The following STAU2 variants were observed in gnomAD, a reference collection of about 807,000 sequenced individuals.
STAU2 encodes staufen double-stranded RNA binding protein 2, also known as double-stranded RNA-binding protein Staufen homolog 2.
STAU2 carries 20 observed loss-of-function variants against 65.9 expected under a neutral mutation model. That is an observed-to-expected ratio of 0.30 (90% CI 0.21 to 0.44). The LOEUF (loss-of-function observed/expected upper bound fraction) is 0.44, where lower values mean the gene tolerates loss of function less well. Ranked by LOEUF, STAU2 falls within the 20% of genes least tolerant of loss-of-function variation. The pLI is 1.00. For synonymous variants in STAU2, 232 were observed against 233.9 expected (o/e 0.99, Z 0.07); for missense variants, 558 against 683.9 (o/e 0.82, Z 2.05).
chr8:73,532,175 TA>T (rs1287947585), intron 13 of STAU2, among the ~76,000 whole-genome samples: 2 of 152,180 alleles, frequency 1.3e-5, no homozygotes, highest in African/African-American at 4.8e-5. Context: ...TTTGTGGCAA[TA>T]AGATTCTAAG....
chr8:73,661,478 A>G (rs1816829557), intron 6 of STAU2, among the ~76,000 whole-genome samples: 1 of 152,228 alleles, frequency 6.6e-6, no homozygotes, highest in Non-Finnish European at 1.5e-5. Context: ...ACATTTAATG[A>G]AATGTGCCTA....
At chr8:73,596,694 T>A (rs971688589) in intron 10 of STAU2, among the ~76,000 whole-genome samples, 19 of 151,458 alleles carry the variant, frequency 1.3e-4, no homozygotes, top group African/African-American at 4.2e-4. Context: ...ACAAAAAAAA[T>A]TTTAATTAGC....
At chr8:73,708,882 A>T in intron 4 of STAU2, 150 bp downstream of exon 4, 1 of 621,222 alleles carries the variant, frequency 1.6e-6, no homozygotes, top group Non-Finnish European at 2.4e-6. Context: ...TAGTTTAGTT[A>T]CATACTTTGA....
chr8:73,518,490 T>C (rs1326540424), intron 13 of STAU2, among the ~76,000 whole-genome samples: 1 of 152,218 alleles, frequency 6.6e-6, no homozygotes, highest in Non-Finnish European at 1.5e-5. Flanking sequence ...AAAGTGGCCA[T>C]AGGCAATACC....
intron 5 of STAU2, among the ~76,000 whole-genome samples, chr8:73,681,549 A>G (rs921128313): frequency 6.6e-6 from 1 of 152,202 alleles, no homozygotes; most frequent in African/African-American, 2.4e-5. Context: ...CTATAAAACA[A>G]TAACACAATG....
chr8:73,664,709 G>T (rs143355160), intron 6 of STAU2, among the ~76,000 whole-genome samples: 1 of 152,094 alleles, frequency 6.6e-6, no homozygotes, highest in Admixed American at 6.6e-5. Flanking sequence ...ATTTTTATCT[G>T]GCTGGGCATG....
chr8:73,735,633 C>T (rs750158185), intron 3 of STAU2, among the ~76,000 whole-genome samples: 1 of 152,178 alleles, frequency 6.6e-6, no homozygotes, highest in South Asian at 2.1e-4. Flanking sequence ...CAAAACACTT[C>T]CAGTGCCAAG....
At chr8:73,476,101 T>C (rs1001260315) in intron 13 of STAU2, among the ~76,000 whole-genome samples, 5 of 152,196 alleles carry the variant, frequency 3.3e-5, no homozygotes, top group Admixed American at 6.5e-5. Context: ...TACTCTTATA[T>C]TGGAAATGAT....
At chr8:73,598,226 CTTTTT>C (rs138249622) in intron 10 of STAU2, among the ~76,000 whole-genome samples, 1 of 129,330 alleles carries the variant, frequency 7.7e-6, no homozygotes. Context: ...AAGAAGAAAA[CTTTTT>C]TTTTTTTTTT....
chr8:73,710,227 A>G (rs1563521986), intron 3 of STAU2, among the ~76,000 whole-genome samples: 2 of 151,900 alleles, frequency 1.3e-5, no homozygotes, highest in African/African-American at 2.4e-5. Flanking sequence ...TGTTCTTTGC[A>G]TATTTTTCTC....
At chr8:73,588,246 A>T (rs1016128878) in intron 11 of STAU2, among the ~76,000 whole-genome samples, 5 of 152,380 alleles carry the variant, frequency 3.3e-5, no homozygotes, top group African/African-American at 1.2e-4. Context: ...TGGGAGAGAT[A>T]GGACTCACAA....
At chr8:73,494,462 C>G (rs951092898) in intron 13 of STAU2, among the ~76,000 whole-genome samples, 2 of 151,704 alleles carry the variant, frequency 1.3e-5, no homozygotes, top group Admixed American at 1.3e-4. Flanking sequence ...TTTAATTTTT[C>G]AAAATACCAT....
chr8:73,433,036 G>T (rs1474366434), intron 13 of STAU2, among the ~76,000 whole-genome samples: 1 of 152,164 alleles, frequency 6.6e-6, no homozygotes, highest in Non-Finnish European at 1.5e-5. Context: ...TGGTGTAGCT[G>T]CTAGCCTTGA....
chr8:73,533,433 T>C (rs528098102), intron 13 of STAU2, among the ~76,000 whole-genome samples: 2 of 152,236 alleles, frequency 1.3e-5, no homozygotes, highest in Admixed American at 6.5e-5. Context: ...GATGAGATAC[T>C]ATACTTGAGA....
chr8:73,695,656 G>A (rs576413434), intron 4 of STAU2, among the ~76,000 whole-genome samples: 1 of 152,112 alleles, frequency 6.6e-6, no homozygotes, highest in Non-Finnish European at 1.5e-5. Context: ...GCAGGCTCTT[G>A]GGGTCCCTGA....
intron 6 of STAU2, chr8:73,651,570 C>T: frequency 1.2e-6 from 1 of 837,432 alleles, no homozygotes; most frequent in African/African-American, 1.7e-5. Context: ...TGCCCTTGGG[C>T]ACCCCTGCCT....
At chr8:73,444,170 G>A (rs1818341308) in intron 13 of STAU2, among the ~76,000 whole-genome samples, 1 of 152,136 alleles carries the variant, frequency 6.6e-6, no homozygotes, top group Non-Finnish European at 1.5e-5. Flanking sequence ...ACTTTGGAAG[G>A]CCGAGGCGGG....
intron 13 of STAU2, chr8:73,551,736 T>G (rs537922961): frequency 9.2e-7 from 1 of 1,088,684 alleles, no homozygotes; most frequent in Admixed American, 4.8e-5. Context: ...CAAGACCAAA[T>G]AGAAGACAGT....
At chr8:73,658,931 CAACAAA>C (rs1816597482) in intron 6 of STAU2, among the ~76,000 whole-genome samples, 2 of 52,296 alleles carry the variant, frequency 3.8e-5, no homozygotes, top group African/African-American at 4.2e-5. Context: ...ACAACAACAA[CAACAAA>C]AACAACAAAA....
Sources: allele counts gnomAD v4.1 joint callset (sites outside exome capture counted in the v4.1 genomes callset), GRCh38; gene constraint gnomAD v4.1.1; transcripts MANE v1.5; gene names NCBI Gene and HGNC (gene_info 2026-07-23, HGNC 2026-07-21).